The following RBFOX3 variants were observed in gnomAD, a reference collection of about 807,000 sequenced individuals.
RBFOX3 encodes the protein RNA binding protein fox-1 homolog 3.
A neutral mutation model predicts 48.7 loss-of-function variants in RBFOX3; 17 were observed. That is an observed-to-expected ratio of 0.35 (90% CI 0.24 to 0.52). The LOEUF is 0.52. RBFOX3 is among the 20% of genes least tolerant of loss of function. RBFOX3 has a pLI of 0.94. For synonymous variants in RBFOX3, 212 were observed against 209.5 expected (o/e 1.01, Z -0.10); for missense variants, 382 against 497.5 (o/e 0.77, Z 2.21).
At chr17:79,428,140 C>G (rs1555726547) in intron 2 of RBFOX3, among the ~76,000 whole-genome samples, 4 of 152,278 alleles carry the variant, frequency 2.6e-5, no homozygotes, top group Non-Finnish European at 4.4e-5. Flanking sequence ...CCTCGCTGTC[C>G]TCGTTCCCTC....
chr17:79,257,899 T>TG (rs1349456183), intron 3 of RBFOX3, among the ~76,000 whole-genome samples: 1 of 151,832 alleles, frequency 6.6e-6, no homozygotes, highest in Non-Finnish European at 1.5e-5. Flanking sequence ...GCTTTTGTTT[T>TG]GGGAAAAAAA....
intron 2 of RBFOX3, among the ~76,000 whole-genome samples, chr17:79,316,420 G>C (rs1282155416): frequency 6.6e-6 from 1 of 152,226 alleles, no homozygotes; most frequent in Non-Finnish European, 1.5e-5. Flanking sequence ...CCTGAGTTGT[G>C]GGCAGCCCTC....
intron 2 of RBFOX3, among the ~76,000 whole-genome samples, chr17:79,387,102 C>A (rs1175234170): frequency 6.6e-6 from 1 of 152,158 alleles, no homozygotes; most frequent in Non-Finnish European, 1.5e-5. Flanking sequence ...TTGAGAGGTC[C>A]CCAGGGCTCC....
At chr17:79,424,158 A>C (rs2066941453) in intron 2 of RBFOX3, 1 of 151,734 alleles carries the variant, frequency 6.6e-6, no homozygotes, top group Non-Finnish European at 1.5e-5. Flanking sequence ...GGTCTTATTC[A>C]CCCCTCTCCC....
At chr17:79,378,458 G>A (rs1249357192) in intron 2 of RBFOX3, among the ~76,000 whole-genome samples, 4 of 152,164 alleles carry the variant, frequency 2.6e-5, no homozygotes, top group Admixed American at 2.6e-4. Flanking sequence ...ATACGATTGA[G>A]AGCATTAAAA....
At chr17:79,251,279 T>C (rs1019652819) in intron 3 of RBFOX3, among the ~76,000 whole-genome samples, 3 of 152,124 alleles carry the variant, frequency 2.0e-5, no homozygotes, top group African/African-American at 7.2e-5. Flanking sequence ...TCCTAGATCT[T>C]ACTACCTGGT....
chr17:79,114,308 C>T (rs1206990859), intron 5 of RBFOX3, among the ~76,000 whole-genome samples: 1 of 152,154 alleles, frequency 6.6e-6, no homozygotes, highest in Non-Finnish European at 1.5e-5. Context: ...CCATGTGTGT[C>T]CTGTGGCTGT....
intron 2 of RBFOX3, among the ~76,000 whole-genome samples, chr17:79,460,872 C>T (rs1269660642): frequency 6.6e-6 from 1 of 152,152 alleles, no homozygotes; most frequent in Non-Finnish European, 1.5e-5. Context: ...AAGTAAATGT[C>T]TATCATTTAC....
chr17:79,570,935 A>G (rs965021543), intron 1 of RBFOX3, among the ~76,000 whole-genome samples: 11 of 152,326 alleles, frequency 7.2e-5, no homozygotes, highest in African/African-American at 2.6e-4. Context: ...AACCACAGAT[A>G]AGAGACTCTT....
chr17:79,597,325 G>C (rs1268942786), intron 1 of RBFOX3, among the ~76,000 whole-genome samples: 2 of 152,352 alleles, frequency 1.3e-5, no homozygotes, highest in Admixed American at 6.5e-5. Context: ...GGGAATGAGA[G>C]AGTGTTGGCC....
intron 1 of RBFOX3, among the ~76,000 whole-genome samples, chr17:79,565,573 G>A (rs1281018917): frequency 7.2e-5 from 11 of 152,158 alleles, no homozygotes; most frequent in African/African-American, 2.4e-4. Context: ...ACCCCTGACC[G>A]CAATTGATCC....
At chr17:79,475,109 T>C (rs2077543399) in intron 2 of RBFOX3, among the ~76,000 whole-genome samples, 1 of 152,136 alleles carries the variant, frequency 6.6e-6, no homozygotes, top group Admixed American at 6.5e-5. Flanking sequence ...TGGCTTTTAA[T>C]TCTTAGTTTG....
the RBFOX3 span, among the ~76,000 whole-genome samples, chr17:79,644,564 T>C: frequency 6.6e-6 from 1 of 152,116 alleles, no homozygotes; most frequent in East Asian, 1.9e-4. Context: ...ATATACGTAA[T>C]CAATACTTAA....
At chr17:79,425,312 G>A (rs1339466109) in intron 2 of RBFOX3, among the ~76,000 whole-genome samples, 1 of 152,162 alleles carries the variant, frequency 6.6e-6, no homozygotes, top group Non-Finnish European at 1.5e-5. Context: ...AGTCCCCTCC[G>A]CAGTAACCCT....
chr17:79,332,935 C>G (rs12946899), intron 2 of RBFOX3, among the ~76,000 whole-genome samples: 27 of 148,076 alleles, frequency 1.8e-4, no homozygotes, highest in Non-Finnish European at 2.2e-4. Flanking sequence ...GACAGATAGA[C>G]AGACACAGAG....
chr17:79,457,197 G>A (rs2074650462), intron 2 of RBFOX3, among the ~76,000 whole-genome samples: 1 of 152,218 alleles, frequency 6.6e-6, no homozygotes, highest in African/African-American at 2.4e-5. Flanking sequence ...ATGGAGTAGG[G>A]CCTTGTTAGA....
At position 79,263,758 on chromosome 17, in the gene RBFOX3, C is replaced by T. The variant is rs141837388; in HGVS notation, c.-73-27953G>A. ...CAGCCAGCGAATGGCTGGATGAACG[C>T]GCGCTTACGAGGGGCAGAACGATGT... On this transcript the variant is annotated intron_variant, in intron 3 of 14. Transcript: ENST00000693108. Among the ~76,000 whole-genome samples the T allele has an allele frequency of 2.6e-3, 391 of 152,266 alleles. 6 individuals carry two copies. Among genetic ancestry groups the T allele is most frequent in the Admixed American group, 0.02 (306 of 15,290 alleles).
At chr17:79,186,605 T>C (rs1408509379) in intron 4 of RBFOX3, among the ~76,000 whole-genome samples, 1 of 152,144 alleles carries the variant, frequency 6.6e-6, no homozygotes, top group Admixed American at 6.5e-5. Flanking sequence ...GTGGCTGTGC[T>C]GCCCCCGCTC....
chr17:79,625,185 G>T, the RBFOX3 span, among the ~76,000 whole-genome samples: 1 of 151,972 alleles, frequency 6.6e-6, no homozygotes, highest in African/African-American at 2.4e-5. Context: ...CCCCACCCCC[G>T]GGCAACCACT....
Sources: gnomAD v4.1 joint callset for allele counts (sites outside exome capture counted in the v4.1 genomes callset) on GRCh38, gnomAD v4.1.1 for gene constraint, MANE v1.5 for transcripts, NCBI Gene and HGNC (gene_info 2026-07-23, HGNC 2026-07-21) for gene names.